SFPQ: variants seen among roughly 807,000 people sequenced by gnomAD.
SFPQ encodes the protein splicing factor, proline- and glutamine-rich.
SFPQ carries 11 observed loss-of-function variants against 72.9 expected under a neutral mutation model. The ratio of observed to expected loss-of-function variants is 0.15; its 90% confidence interval spans 0.09 to 0.25. SFPQ has a LOEUF of 0.25. SFPQ is among the 10% of genes least tolerant of loss of function. The pLI is 1.00. For synonymous variants in SFPQ, 506 were observed against 367.3 expected, an observed-to-expected ratio of 1.38 and a Z score of -4.32; for missense variants, 847 against 993.3, an observed-to-expected ratio of 0.85 and a Z score of 1.98.
At chr1:35,190,351 A>C (rs921460926) in intron 4 of SFPQ, 147 bp downstream of exon 4, 10 of 634,038 alleles carry the variant, frequency 1.6e-5, no homozygotes, top group Admixed American at 5.7e-5. Context: ...AACAGCTTCA[A>C]ATCTTTCTCA....
downstream of SFPQ, chr1:35,177,979 G>A: frequency 8.0e-7 from 1 of 1,243,404 alleles, no homozygotes. Flanking sequence ...GATTTCTAAA[G>A]GAAACTTACT....
chr1:35,182,977 C>T lies in SFPQ; in HGVS notation c.*1479G>A. The T allele has an allele frequency of 9.6e-7, 1 of 1,041,752 alleles. No homozygotes were observed. Among genetic ancestry groups the T allele is most frequent in the Non-Finnish European group, 1.2e-6 (1 of 864,572 alleles). 64.5% of individuals were successfully genotyped at this position (1,041,752 alleles called of 1,614,324 possible). A position where few individuals can be genotyped will look rare whatever the true frequency, so the allele number is the denominator to read the frequency against. ...ATGGTGGGAGGAAGGGATATTTGTA[C>T]TGTGTAGCATGAGCAACTTTCTCCA... On this transcript the variant is annotated 3_prime_UTR_variant, in exon 10 of 10. Coordinates refer to ENST00000357214, the MANE Select transcript of SFPQ (RefSeq NM_005066.3).
chr1:35,182,959 G>A lies in SFPQ; in HGVS notation c.*1497C>T, dbSNP rs1639533069. 2 of 1,043,094 alleles carry A rather than the reference G, an allele frequency of 1.9e-6. No homozygotes were observed. Among genetic ancestry groups the A allele is most frequent in the Non-Finnish European group, 2.3e-6 (2 of 865,480 alleles). 64.6% of individuals were successfully genotyped at this position (1,043,094 alleles called of 1,614,324 possible). A position where few individuals can be genotyped will look rare whatever the true frequency, so the allele number is the denominator to read the frequency against. On this transcript the variant is annotated 3_prime_UTR_variant, in exon 10 of 10. Transcript: ENST00000357214. ...GAAACATTCCAAGCCTTTATGGTGG[G>A]AGGAAGGGATATTTGTACTGTGTAG...
Position 35,184,552 on chromosome 1 carries a change from A to G in SFPQ, c.2028T>C (p.Gly676=). The change falls in exon 10 of 10, where the codon GGT becomes GGC. Residue 676 remains glycine, a synonymous_variant. Transcript: ENST00000357214. ...RFGQGGAGPV[G]GQGPRGMGPG... is the part of the protein sequence containing the mutation. ...GCCCCATTCCTCTAGGACCCTGTCC[A>G]CCCACAGGCCCCGCACCTCCCTGCC... is the stretch of plus-strand genomic sequence containing the variant. 6.2e-7 allele frequency: 1 copy of G among 1,612,106 alleles called. No homozygotes were observed. The highest frequency in any genetic ancestry group is 8.5e-7 in the Non-Finnish European group (1 of 1,179,226).
chr1:35,183,845 A>G lies in SFPQ; in HGVS notation c.*611T>C. 2 of 1,055,516 alleles carry G rather than the reference A, an allele frequency of 1.9e-6. No homozygotes were observed. Among genetic ancestry groups the G allele is most frequent in the Non-Finnish European group, 2.3e-6 (2 of 873,040 alleles). 65.4% of individuals were successfully genotyped at this position (1,055,516 alleles called of 1,614,324 possible). Reference sequence around the variant, plus strand: ...ACAATCTTAATACATATTCCTGAAGATTTACAGTTCAGCTTTGCTTACATA... The same window carrying G: ...ACAATCTTAATACATATTCCTGAAGGTTTACAGTTCAGCTTTGCTTACATA... On this transcript the variant is annotated 3_prime_UTR_variant, in exon 10 of 10. Coordinates refer to ENST00000357214, the MANE Select transcript of SFPQ (RefSeq NM_005066.3).
At chr1:35,182,738 G>C (rs1438034640), downstream of SFPQ, 1 of 985,274 alleles carries the variant, frequency 1.0e-6, no homozygotes, top group Non-Finnish European at 1.2e-6. Context: ...TGAATGGAAC[G>C]TAACTCAGAA....
downstream of SFPQ, chr1:35,182,012 C>T: frequency 1.0e-6 from 1 of 985,358 alleles, no homozygotes; most frequent in Non-Finnish European, 1.2e-6. Flanking sequence ...GGAGATTATC[C>T]ATTAGCATCC....
chr1:35,180,791 G>A (rs1639434782), downstream of SFPQ: 1 of 1,062,782 alleles, frequency 9.4e-7, no homozygotes, highest in African/African-American at 1.6e-5. Context: ...GGTGCTAAAA[G>A]CACCCTAGTT....
In SFPQ at chr1:35,189,169, C is replaced by G. The variant is rs919729325; in HGVS notation, c.1612+17G>C. On this transcript the variant is annotated intron_variant, in intron 5 of 9. Coordinates refer to ENST00000357214, the MANE Select transcript of SFPQ (RefSeq NM_005066.3). ...CAATTGACCTTAGCAATGATGTTCA[C>G]GCACAGGTCTTTTTACCTTGGCGCA... 1 of 1,613,534 alleles carries G rather than the reference C, an allele frequency of 6.2e-7. No homozygotes were observed.
At chr1:35,180,749 CTAAT>C, downstream of SFPQ, 4 of 1,060,822 alleles carry the variant, frequency 3.8e-6, no homozygotes, top group South Asian at 4.6e-5. Context: ...ACAATAGAGA[CTAAT>C]TATCACATGC....
chr1:35,185,686 A>G (rs529836697), intron 9 of SFPQ, among the ~76,000 whole-genome samples: 2 of 152,342 alleles, frequency 1.3e-5, no homozygotes, highest in East Asian at 3.9e-4. Context: ...CAATTTCAAC[A>G]TTCTTTTAAA....
At position 35,193,051 on chromosome 1, in the gene SFPQ, T is replaced by G. The variant is rs1006530284; in HGVS notation, c.-2A>C. 2 of 1,572,052 alleles carry G rather than the reference T, an allele frequency of 1.3e-6. No individual in the cohort carries two copies. Among genetic ancestry groups the G allele is most frequent in the African/African-American group, 2.8e-5 (2 of 71,946 alleles). ...ACTCCGGAACCGATCCCGAGACATG[T>G]CTGTGGTCAAGGGGCGGTCGAGGCA... On this transcript the variant is annotated 5_prime_UTR_variant, in exon 1 of 10. Coordinates refer to ENST00000357214, the MANE Select transcript of SFPQ (RefSeq NM_005066.3).
chr1:35,186,469 G>GC (rs1360430848), intron 9 of SFPQ, among the ~76,000 whole-genome samples: 6 of 152,152 alleles, frequency 3.9e-5, no homozygotes, highest in African/African-American at 1.4e-4. Context: ...CTACAGACAG[G>GC]CCCAACAGGT....
intron 5 of SFPQ, chr1:35,177,231 A>C (rs948895534): frequency 2.0e-5 from 3 of 152,198 alleles, no homozygotes; most frequent in African/African-American, 7.2e-5. Context: ...ATAAAAAATT[A>C]ATGGTTCCCA....
downstream of SFPQ, chr1:35,178,478 T>A: frequency 9.4e-7 from 1 of 1,064,266 alleles, no homozygotes; most frequent in South Asian, 4.5e-5. Context: ...TCAGCAGGAG[T>A]CCTCCAAGAG....
downstream of SFPQ, chr1:35,180,823 T>C (rs1367523414): frequency 2.0e-6 from 2 of 985,240 alleles, no homozygotes; most frequent in Non-Finnish European, 2.4e-6. Context: ...TTTAGTTCCC[T>C]CTCCCCCACA....
chr1:35,187,088 A>T lies in SFPQ; in HGVS notation c.1899T>A (p.Pro633=). The stretch of plus-strand genomic sequence containing the variant: ...AACCTATGCCACCACCACCTCCTAG[A>T]GGTGGAAATTTCTGGCCTCCTGAAC... ...PYGSGGQKFP[P]LGGGGGIGYE... The change falls in exon 9 of 10, where the codon CCT becomes CCA. Residue 633 remains proline (P), a synonymous_variant. Transcript: ENST00000357214. The T allele has an allele frequency of 3.7e-6, 6 of 1,614,072 alleles. No homozygotes were observed. The highest frequency in any genetic ancestry group is 5.1e-6 in the Non-Finnish European group (6 of 1,179,958).
At chr1:35,180,204 GAA>G (rs1201400834), downstream of SFPQ, 2 of 1,051,804 alleles carry the variant, frequency 1.9e-6, no homozygotes, top group African/African-American at 3.3e-5. Flanking sequence ...CATTATACAT[GAA>G]AACTGTCTCT....
In SFPQ at chr1:35,183,727, AAGCTTTCAAGTAAAGGAT is replaced by A; in HGVS notation, c.*711_*728del. 1 of 1,047,730 alleles carries A rather than the reference AAGCTTTCAAGTAAAGGAT, an allele frequency of 9.5e-7. No homozygotes were observed. The highest frequency in any genetic ancestry group is 1.2e-6 in the Non-Finnish European group (1 of 867,862). 64.9% of individuals were successfully genotyped at this position (1,047,730 alleles called of 1,614,324 possible). On this transcript the variant is annotated 3_prime_UTR_variant, in exon 10 of 10. Coordinates refer to ENST00000357214, the MANE Select transcript of SFPQ (RefSeq NM_005066.3). ...ACAAAATGACCTTTCCACTTTTCAA[AAGCTTTCAAGTAAAGGAT>A]AGATCATAGGGCCATAAAAGATCCA...
Sources: gnomAD v4.1 joint callset for allele counts (sites outside exome capture counted in the v4.1 genomes callset) on GRCh38, gnomAD v4.1.1 for gene constraint, MANE v1.5 for transcripts, NCBI Gene and HGNC (gene_info 2026-07-23, HGNC 2026-07-21) for gene names.